The following RBM44 variants were observed in gnomAD, a reference collection of about 807,000 sequenced individuals.
RBM44 encodes RNA binding motif protein 44.
In RBM44, 66 loss-of-function variants were observed where a neutral mutation model predicts 105.1. That is an observed-to-expected ratio of 0.63 (90% CI 0.52 to 0.77). RBM44 has a LOEUF of 0.77. Ranked by LOEUF, RBM44 falls within the 30% of genes least tolerant of loss-of-function variation. The probability of loss-of-function intolerance (pLI) is 0.00; values close to 1 mark genes in which losing one functional copy is unlikely to be tolerated. For synonymous variants in RBM44, 365 were observed against 417.6 expected (o/e 0.87, Z 1.54); for missense variants, 1,122 against 1,207.8 (o/e 0.93, Z 1.05).
At chr2:237,807,305 C>T (rs1056149646) in intron 1 of RBM44, among the ~76,000 whole-genome samples, 1 of 152,170 alleles carries the variant, frequency 6.6e-6, no homozygotes, top group African/African-American at 2.4e-5. Context: ...CCTGCCACCA[C>T]ACCTGGCTAA....
At chr2:237,840,445 A>G (rs2062001200) in intron 15 of RBM44, among the ~76,000 whole-genome samples, 1 of 152,192 alleles carries the variant, frequency 6.6e-6, no homozygotes. Context: ...TTAAGTGTAC[A>G]GCCTAAAACT....
At chr2:237,823,210 C>T (rs546067897) in intron 8 of RBM44, among the ~76,000 whole-genome samples, 13 of 151,986 alleles carry the variant, frequency 8.6e-5, no homozygotes, top group African/African-American at 3.1e-4. Context: ...TTAGCACAGT[C>T]ATTATACACA....
At chr2:237,829,696 T>G (rs1254807625) in intron 13 of RBM44, among the ~76,000 whole-genome samples, 194 bp downstream of exon 13, 1 of 152,216 alleles carries the variant, frequency 6.6e-6, no homozygotes, top group Non-Finnish European at 1.5e-5. Flanking sequence ...AATCTAGATC[T>G]TTGTAGACCA....
chr2:237,820,358 A>T lies in RBM44; in HGVS notation c.1913+7A>T. 6.6e-7 allele frequency: 1 copy of T among 1,517,146 alleles called. No homozygotes were observed. The highest frequency in any genetic ancestry group is 2.3e-5 in the East Asian group (1 of 43,140). The allele number at this position is 1,517,146 out of a possible 1,614,324, so 94.0% of individuals were successfully genotyped here. On this transcript the variant is annotated splice_region_variant and intron_variant, in intron 5 of 15. Coordinates refer to ENST00000316997, the MANE Select transcript of RBM44 (RefSeq NM_001080504.3). ...ATAGGGAAGGATTAAATATGTGTTT[A>T]TTAATTTCAAATCTGTTTTTTCTTA...
intron 5 of RBM44, chr2:237,820,785 T>TGGGGTTGG: frequency 3.4e-6 from 1 of 297,272 alleles, no homozygotes; most frequent in South Asian, 1.2e-4. Context: ...AGGTGGCTTG[T>TGGGGTTGG]GCCTGTAATC....
chr2:237,807,800 G>T (rs965958519), intron 1 of RBM44, among the ~76,000 whole-genome samples: 1 of 152,070 alleles, frequency 6.6e-6, no homozygotes, highest in Non-Finnish European at 1.5e-5. Flanking sequence ...TACTTTTCTG[G>T]GTAGCCTAGA....
intron 13 of RBM44, among the ~76,000 whole-genome samples, chr2:237,832,524 G>A (rs1304758400): frequency 6.6e-6 from 1 of 152,170 alleles, no homozygotes; most frequent in African/African-American, 2.4e-5. Context: ...AGCTCAGGCA[G>A]CAACACTCTT....
chr2:237,829,366 A>G lies in RBM44; in HGVS notation c.2750A>G (p.Asn917Ser), dbSNP rs1298321444. ...YTSPLSSKNG[N>S]RISSNNLEKS... ...TCACCACTTTCCTCCAAAAATGGGA[A>G]TAGAATTAGTTCGAATAATTTAGAG... The change falls in exon 13 of 16, where the codon AAT (asparagine) becomes AGT (serine). Residue 917 changes from asparagine to serine, a missense_variant. Physicochemically the swap from Asn to Ser is conservative, Grantham distance 46. This residue lies in a region of RBM44 where 194 missense variants were observed against 225.5 expected (regional missense o/e 0.86). Transcript: ENST00000316997. The G allele has an allele frequency of 9.9e-6, 16 of 1,613,598 alleles. No homozygotes were observed. Among genetic ancestry groups the G allele is most frequent in the Non-Finnish European group, 1.3e-5 (15 of 1,179,704 alleles).
At chr2:237,799,780 G>T (rs2061527477) in intron 1 of RBM44, among the ~76,000 whole-genome samples, 1 of 152,152 alleles carries the variant, frequency 6.6e-6, no homozygotes, top group South Asian at 2.1e-4. Flanking sequence ...TAACTGATTC[G>T]ATAAGCATTT....
At position 237,803,329 on chromosome 2, in the gene RBM44, T is replaced by TCA. The variant is rs764701635; in HGVS notation, c.-19+4469_-19+4470insAC. On this transcript the variant is annotated intron_variant, in intron 1 of 15. Coordinates refer to ENST00000316997, the MANE Select transcript of RBM44 (RefSeq NM_001080504.3). This position sits in a 1 kb window ranked among gnomAD's most constrained non-coding sequence, Gnocchi z 4.2. ...CACACACACACACACATACTCTCTC[T>TCA]CTCACACACACACACATACTTTCTC... is the stretch of plus-strand genomic sequence containing the variant. 3.2e-4 allele frequency among the ~76,000 whole-genome samples: 48 copies of TCA among 149,436 alleles called. No homozygotes were observed. Among genetic ancestry groups the TCA allele is most frequent in the Non-Finnish European group, 5.9e-4 (40 of 67,744 alleles).
At chr2:237,799,308 G>C (rs1198540445) in intron 1 of RBM44, 1 of 152,384 alleles carries the variant, frequency 6.6e-6, no homozygotes, top group Non-Finnish European at 1.5e-5. Flanking sequence ...CCGACGCGTA[G>C]GACGCCCTGG....
At position 237,809,050 on chromosome 2, in the gene RBM44, T is replaced by G. The variant is rs569951283; in HGVS notation, c.-18-4542T>G. 1.0e-3 allele frequency among the ~76,000 whole-genome samples: 157 copies of G among 152,328 alleles called. 2 individuals carry two copies. The highest frequency in any genetic ancestry group is 3.7e-3 in the African/African-American group (153 of 41,572). On this transcript the variant is annotated intron_variant, in intron 1 of 15. Transcript: ENST00000316997. Reference sequence around the variant, plus strand: ...TGGAAGAATTTCAATTCTCATTATATATGAATGTCCATTTCATGACCCTTA... The same window carrying G: ...TGGAAGAATTTCAATTCTCATTATAGATGAATGTCCATTTCATGACCCTTA...
chr2:237,815,584 A>C (rs1371372116), intron 2 of RBM44, among the ~76,000 whole-genome samples: 2 of 152,118 alleles, frequency 1.3e-5, no homozygotes, highest in African/African-American at 2.4e-5. Flanking sequence ...TTTTTTAAAG[A>C]AATGGAATAG....
chr2:237,816,118 G>A lies in RBM44; in HGVS notation c.74-875G>A, dbSNP rs114552038. Among the ~76,000 whole-genome samples the A allele has an allele frequency of 1.6e-3, 249 of 152,232 alleles. 1 individual carries two copies. Among genetic ancestry groups the A allele is most frequent in the Non-Finnish European group, 2.1e-3 (142 of 68,012 alleles). On this transcript the variant is annotated intron_variant, in intron 2 of 15. Coordinates refer to ENST00000316997, the MANE Select transcript of RBM44 (RefSeq NM_001080504.3). Reference sequence around the variant, plus strand: ...CTTTCACACGGCTAATTGTACTTGCGTTGGATTTGCCTAAAATAATTTTGT... The same window carrying A: ...CTTTCACACGGCTAATTGTACTTGCATTGGATTTGCCTAAAATAATTTTGT...
At chr2:237,827,061 G>A (rs928372774) in intron 10 of RBM44, among the ~76,000 whole-genome samples, 189 bp from the exon 11 acceptor site, 1 of 152,192 alleles carries the variant, frequency 6.6e-6, no homozygotes, top group Non-Finnish European at 1.5e-5. Flanking sequence ...TGTGATTAAG[G>A]CCCAGAAATC....
In RBM44 at chr2:237,817,251, CAT is replaced by C. The variant is rs1559911615; in HGVS notation, c.335_336del (p.Tyr112PhefsTer24). 1.2e-6 allele frequency: 2 copies of C among 1,604,980 alleles called. No homozygotes were observed. Among genetic ancestry groups the C allele is most frequent in the Non-Finnish European group, 1.7e-6 (2 of 1,176,360 alleles). On this transcript the variant is annotated frameshift_variant, in exon 3 of 16. Transcript: ENST00000316997. LOFTEE classifies it high-confidence loss of function. ...ACTGACTATGCTTTCTTGAATAAAA[CAT>C]ATTCTATACCTTATTCAGAGTCAAA...
intron 13 of RBM44, among the ~76,000 whole-genome samples, chr2:237,833,594 A>G (rs1000122606): frequency 2.6e-5 from 4 of 152,196 alleles, no homozygotes; most frequent in African/African-American, 9.6e-5. Flanking sequence ...ATTAAGCCTT[A>G]ATGCCCTAAG....
At chr2:237,830,759 T>C (rs1170426453) in intron 13 of RBM44, among the ~76,000 whole-genome samples, 3 of 152,210 alleles carry the variant, frequency 2.0e-5, no homozygotes, top group Non-Finnish European at 4.4e-5. Flanking sequence ...TTCGCTGAAC[T>C]GTCTCTTTCT....
In RBM44 at chr2:237,817,318, A is replaced by G. The variant is rs1302043898; in HGVS notation, c.399A>G (p.Leu133=). The G allele has an allele frequency of 1.9e-6, 3 of 1,604,122 alleles. No individual in the cohort carries two copies. The African/African-American group carries it at 4.0e-5, about 22-fold the overall frequency. The part of the protein sequence containing the change: ...KESLTPLSSE[L]DPEVQKKEEV... ...GTCTTACTCCTTTAAGTTCAGAATT[A>G]GATCCTGAAGTGCAGAAAAAAGAGG... The change falls in exon 3 of 16, where the codon TTA becomes TTG. Residue 133 remains leucine, a synonymous_variant. Coordinates refer to ENST00000316997, the MANE Select transcript of RBM44 (RefSeq NM_001080504.3).
Sources: gnomAD v4.1 joint callset for allele counts (sites outside exome capture counted in the v4.1 genomes callset) on GRCh38, gnomAD v4.1.1 for gene constraint, gnomAD v4.1.1 regional missense constraint, Gnocchi (gnomAD v3.1) non-coding constraint, MANE v1.5 for transcripts, NCBI Gene and HGNC (gene_info 2026-07-23, HGNC 2026-07-21) for gene names.